Variants in STXBP3 observed in about 807,000 individuals in gnomAD.
The protein encoded by STXBP3 is syntaxin-binding protein 3.
A neutral mutation model predicts 85.7 loss-of-function variants in STXBP3; 41 were observed. That is an observed-to-expected ratio of 0.48 (90% CI 0.37 to 0.62). The LOEUF is 0.62. STXBP3 is among the 20% of genes least tolerant of loss of function. STXBP3 has a pLI of 0.00. For missense variants in STXBP3, 563 were observed against 703.1 expected, an observed-to-expected ratio of 0.80 and a Z score of 2.25; for synonymous variants, 229 against 231.7, an observed-to-expected ratio of 0.99 and a Z score of 0.10.
In STXBP3 at chr1:108,746,799, G is replaced by A; in HGVS notation, c.49+13G>A. On this transcript the variant is annotated intron_variant, in intron 1 of 18. Coordinates refer to ENST00000370008, the MANE Select transcript of STXBP3 (RefSeq NM_007269.4). ...GTCGTGTGGCAGAGTGAGTGCGGTG[G>A]GGTAGGGGTTGAGAGAGGGAAGGCC... The A allele has an allele frequency of 6.5e-7, 1 of 1,546,824 alleles. No homozygotes were observed. The highest frequency in any genetic ancestry group is 8.7e-7 in the Non-Finnish European group (1 of 1,145,582).
At chr1:108,793,252 T>C (rs745773312) in intron 11 of STXBP3, among the ~76,000 whole-genome samples, 59 of 150,714 alleles carry the variant, frequency 3.9e-4, no homozygotes, top group Non-Finnish European at 7.5e-4. Context: ...AAAACATCTT[T>C]AGGGAAAGGA....
At chr1:108,808,231 G>T (rs772906282) in intron 18 of STXBP3, among the ~76,000 whole-genome samples, 1 of 152,226 alleles carries the variant, frequency 6.6e-6, no homozygotes, top group East Asian at 1.9e-4. Context: ...AAGAATTTCA[G>T]GCCAGGCTAG....
intron 9 of STXBP3, chr1:108,782,146 A>C (rs1570764231): frequency 3.2e-6 from 1 of 310,734 alleles, no homozygotes; most frequent in Non-Finnish European, 5.9e-6. Context: ...AGGACGTTGA[A>C]TTTTTTTTAT....
rs540911614 is a variant in STXBP3, at chr1:108,782,899, TTTTTA to T, written c.963+208_963+212del. Among the ~76,000 whole-genome samples, 46 of 152,306 alleles carry T rather than the reference TTTTTA, an allele frequency of 3.0e-4. 2 individuals carry two copies. In the South Asian group the frequency reaches 6.8e-3, roughly 23 times the overall value. On this transcript the variant is annotated intron_variant, in intron 11 of 18. Transcript: ENST00000370008. ...TTGTCTGTCCTGCTTCATTAAAATT[TTTTTA>T]TTTTATTTTATTTTTTGAGACATAG...
At chr1:108,775,940 CACACACACACACAT>C (rs1315174125) in intron 7 of STXBP3, among the ~76,000 whole-genome samples, 1 of 113,176 alleles carries the variant, frequency 8.8e-6, no homozygotes, top group Non-Finnish European at 2.1e-5. Context: ...CACACACACA[CACACACACACACAT>C]ACATATGAAA....
At chr1:108,800,370 A>G in intron 17 of STXBP3, 65 bp downstream of exon 17, 1 of 1,228,584 alleles carries the variant, frequency 8.1e-7, no homozygotes. Flanking sequence ...AAAATGGTAC[A>G]CAGATACTCA....
At chr1:108,799,569 C>T (rs1663189683) in intron 16 of STXBP3, among the ~76,000 whole-genome samples, 1 of 152,028 alleles carries the variant, frequency 6.6e-6, no homozygotes. Flanking sequence ...ACTTTGTGCC[C>T]AATCCATGTG....
chr1:108,800,185 A>G (rs764165545), intron 16 of STXBP3, 35 bp from the exon 17 acceptor site: 6 of 1,498,728 alleles, frequency 4.0e-6, no homozygotes, highest in South Asian at 1.1e-5. Flanking sequence ...GCAATTTACA[A>G]TTTTATTGAT....
chr1:108,782,354 TA>T, intron 9 of STXBP3, 67 bp from the exon 10 acceptor site: 2 of 1,201,438 alleles, frequency 1.7e-6, no homozygotes, highest in Non-Finnish European at 2.4e-6. Flanking sequence ...TTATTGTTTG[TA>T]AAAATGTTTC....
At chr1:108,775,106 C>G (rs1662558811) in intron 7 of STXBP3, among the ~76,000 whole-genome samples, 1 of 151,796 alleles carries the variant, frequency 6.6e-6, no homozygotes, top group Non-Finnish European at 1.5e-5. Context: ...ATTTATTGTA[C>G]AGAGTTTAAT....
At chr1:108,777,169 A>G (rs1018028043) in intron 8 of STXBP3, among the ~76,000 whole-genome samples, 7 of 152,152 alleles carry the variant, frequency 4.6e-5, no homozygotes, top group African/African-American at 1.7e-4. Flanking sequence ...TTGCTAGTTT[A>G]GAAGAGGAGT....
chr1:108,806,606 A>C (rs575670028), intron 17 of STXBP3, among the ~76,000 whole-genome samples: 1 of 152,290 alleles, frequency 6.6e-6, no homozygotes, highest in South Asian at 2.1e-4. Flanking sequence ...AAATCGAAAC[A>C]CAGGTCTAAT....
At chr1:108,746,994 C>G (rs1661798654) in intron 1 of STXBP3, among the ~76,000 whole-genome samples, 1 of 152,296 alleles carries the variant, frequency 6.6e-6, no homozygotes, top group South Asian at 2.1e-4. Context: ...CGGGACGCGG[C>G]CTTCTCGTTG....
At chr1:108,806,938 G>T (rs1276384395) in intron 17 of STXBP3, among the ~76,000 whole-genome samples, 1 of 151,130 alleles carries the variant, frequency 6.6e-6, no homozygotes, top group Non-Finnish European at 1.5e-5. Flanking sequence ...GTCATACTAT[G>T]GTTAAGTCAT....
At chr1:108,762,167 G>A (rs1020272827) in intron 6 of STXBP3, among the ~76,000 whole-genome samples, 1 of 152,196 alleles carries the variant, frequency 6.6e-6, no homozygotes, top group African/African-American at 2.4e-5. Flanking sequence ...ATGCAAAGCA[G>A]TCTACTGTGA....
intron 12 of STXBP3, 81 bp downstream of exon 12, chr1:108,793,728 A>T: frequency 2.4e-6 from 3 of 1,253,830 alleles, no homozygotes; most frequent in Non-Finnish European, 3.4e-6. Context: ...TCGATTTAGC[A>T]GTGGGTTTCG....
intron 13 of STXBP3, among the ~76,000 whole-genome samples, chr1:108,795,961 G>A (rs983270350): frequency 6.6e-6 from 1 of 152,136 alleles, no homozygotes; most frequent in South Asian, 2.1e-4. Context: ...TGCCCACCGG[G>A]TTCAAGTGAG....
Position 108,792,377 on chromosome 1 carries a change from T to A in STXBP3, c.964-1205T>A, listed in dbSNP as rs566911696. On this transcript the variant is annotated intron_variant, in intron 11 of 18. Transcript: ENST00000370008. ...ATTTTGAGGTGTTCTTTTCTTAGCT[T>A]TTTTATTGATGCATAGTAACTGTAC... is the stretch of plus-strand genomic sequence containing the variant. 1.1e-4 allele frequency among the ~76,000 whole-genome samples: 16 copies of A among 152,316 alleles called. No individual in the cohort carries two copies. In the East Asian group the frequency reaches 2.9e-3, roughly 28 times the overall value.
At chr1:108,806,289 A>G (rs963085183) in intron 17 of STXBP3, among the ~76,000 whole-genome samples, 2 of 152,162 alleles carry the variant, frequency 1.3e-5, no homozygotes, top group African/African-American at 4.8e-5. Context: ...GCTTTTGGGT[A>G]CTGGATATGT....
Sources: allele counts gnomAD v4.1 joint callset (sites outside exome capture counted in the v4.1 genomes callset), GRCh38; gene constraint gnomAD v4.1.1; transcripts MANE v1.5; gene names NCBI Gene and HGNC (gene_info 2026-07-23, HGNC 2026-07-21).